MON2: variants seen among roughly 807,000 people sequenced by gnomAD.
The protein encoded by MON2 is protein MON2 homolog.
In MON2, 84 loss-of-function variants were observed where a neutral mutation model predicts 208.6. The observed-to-expected ratio is 0.40, with a 90% CI of 0.34 to 0.48. The LOEUF (loss-of-function observed/expected upper bound fraction) is 0.48, where lower values mean the gene tolerates loss of function less well. MON2 is among the 20% of genes least tolerant of loss of function. The probability of loss-of-function intolerance (pLI) is 0.59; values close to 1 mark genes in which losing one functional copy is unlikely to be tolerated. For missense variants in MON2, 1,611 were observed against 2,015.4 expected, an observed-to-expected ratio of 0.80 and a Z score of 3.84; for synonymous variants, 660 against 694.0, an observed-to-expected ratio of 0.95 and a Z score of 0.77.
chr12:62,571,666 T>A, intron 30 of MON2, 84 bp downstream of exon 30: 1 of 1,118,956 alleles, frequency 8.9e-7, no homozygotes, highest in Non-Finnish European at 1.3e-6. Flanking sequence ...CTTTATTCAT[T>A]AACAAAGTAA....
chr12:62,580,471 A>G (rs1179439950), intron 32 of MON2, 51 bp downstream of exon 32: 1 of 1,462,710 alleles, frequency 6.8e-7, no homozygotes, highest in East Asian at 2.3e-5. Flanking sequence ...TTTTGAAGAA[A>G]CTGTCAGTAG....
At chr12:62,565,182 A>C in intron 26 of MON2, 55 bp from the exon 27 acceptor site, 2 of 1,535,438 alleles carry the variant, frequency 1.3e-6, no homozygotes, top group Non-Finnish European at 1.8e-6. Context: ...TACACAGTAA[A>C]GAACTTAATG....
At chr12:62,481,084 A>G (rs540633372) in intron 1 of MON2, among the ~76,000 whole-genome samples, 1 of 152,324 alleles carries the variant, frequency 6.6e-6, no homozygotes, top group African/African-American at 2.4e-5. Flanking sequence ...TGGTTTGTAC[A>G]TCTTCAAGGT....
chr12:62,522,679 T>G (rs148159828), intron 8 of MON2, among the ~76,000 whole-genome samples: 2 of 152,228 alleles, frequency 1.3e-5, no homozygotes, highest in African/African-American at 2.4e-5. Flanking sequence ...AATACCTGTT[T>G]CCTTATAAGT....
chr12:62,472,363 A>G (rs1174113940), intron 1 of MON2, among the ~76,000 whole-genome samples: 2 of 152,184 alleles, frequency 1.3e-5, no homozygotes, highest in East Asian at 3.8e-4. Context: ...AAGGGAAAGA[A>G]GTTCATTTGA....
intron 34 of MON2, among the ~76,000 whole-genome samples, chr12:62,588,442 A>T (rs2136499889): frequency 6.6e-6 from 1 of 151,942 alleles, no homozygotes; most frequent in African/African-American, 2.4e-5. Flanking sequence ...ATATATTTTT[A>T]ATGTAGAAGA....
chr12:62,549,695 G>A lies in MON2; in HGVS notation c.2781G>A (p.Gln927=). The change falls in exon 23 of 35, where the codon CAG becomes CAA. Residue 927 remains glutamine, a synonymous_variant. Coordinates refer to ENST00000393630, the MANE Select transcript of MON2 (RefSeq NM_015026.3). ...QGESLIRTAF[Q]CLQLVVTDFL... ...AATCCTTGATACGAACTGCATTCCA[G>A]TGTCTTCAGTTGGTTGTGACAGATT... is the stretch of plus-strand genomic sequence containing the variant. The A allele has an allele frequency of 6.2e-7, 1 of 1,608,264 alleles. No homozygotes were observed. The highest frequency in any genetic ancestry group is 1.1e-5 in the South Asian group (1 of 89,694).
chr12:62,510,763 A>G (rs1366274010), intron 8 of MON2, among the ~76,000 whole-genome samples: 2 of 152,334 alleles, frequency 1.3e-5, no homozygotes, highest in East Asian at 3.9e-4. Flanking sequence ...TGCCACTTCT[A>G]TTCAACATGG....
chr12:62,483,673 G>A (rs1480804912), intron 1 of MON2, among the ~76,000 whole-genome samples: 1 of 152,164 alleles, frequency 6.6e-6, no homozygotes, highest in Non-Finnish European at 1.5e-5. Flanking sequence ...CCAAGATCGT[G>A]CCATTGGACT....
At chr12:62,582,985 T>A (rs1455158557) in intron 32 of MON2, among the ~76,000 whole-genome samples, 1 of 152,082 alleles carries the variant, frequency 6.6e-6, no homozygotes, top group Non-Finnish European at 1.5e-5. Context: ...CCAGTTAGGA[T>A]GATCAAAGAG....
Position 62,580,345 on chromosome 12 carries a change from C to T in MON2, c.4624C>T (p.Pro1542Ser). The change falls in exon 32 of 35, where the codon CCT (proline) becomes TCT (serine). Residue 1542 changes from proline to serine, a missense_variant. By Grantham distance (74) the Pro-to-Ser change is moderately conservative. Transcript: ENST00000393630. ...NEILPYANFIPKEFVGQIMTM... is the reference protein window; with the variant it reads ...NEILPYANFISKEFVGQIMTM... ...GATACTACCTTATGCCAATTTTATT[C>T]CTAAGGAATTTGTTGGTCAAATAAT... The T allele has an allele frequency of 6.2e-7, 1 of 1,608,992 alleles. No homozygotes were observed. Among genetic ancestry groups the T allele is most frequent in the Non-Finnish European group, 8.5e-7 (1 of 1,175,926 alleles).
intron 26 of MON2, among the ~76,000 whole-genome samples, chr12:62,562,903 A>G (rs954279502): frequency 2.6e-5 from 4 of 152,094 alleles, no homozygotes; most frequent in Non-Finnish European, 5.9e-5. Flanking sequence ...ACTTAGTTAT[A>G]TGTGCTAATT....
chr12:62,588,430 T>A (rs1311162705), intron 34 of MON2, among the ~76,000 whole-genome samples: 1 of 152,134 alleles, frequency 6.6e-6, no homozygotes, highest in Non-Finnish European at 1.5e-5. Context: ...AATCCATATT[T>A]CATATATTTT....
chr12:62,507,204 A>G (rs549316980), intron 7 of MON2, among the ~76,000 whole-genome samples: 4 of 152,214 alleles, frequency 2.6e-5, no homozygotes, highest in Non-Finnish European at 5.9e-5. Context: ...TCAGTGAATT[A>G]TATAACTTAT....
chr12:62,560,265 C>T (rs2074147866), intron 25 of MON2: 1 of 422,258 alleles, frequency 2.4e-6, no homozygotes, highest in Admixed American at 4.1e-5. Context: ...CCATCATCCT[C>T]CTCTTGGTGC....
At position 62,526,042 on chromosome 12, in the gene MON2, A is replaced by G; in HGVS notation, c.1340A>G (p.Tyr447Cys). The part of the protein sequence containing the change: ...GGVTLLPAFE[Y>C]RGTWIPILTI... The stretch of plus-strand genomic sequence containing the variant: ...GTTACTTTGCTACCAGCATTTGAAT[A>G]TAGGGGAACCTGGATACCTATTCTG... The change falls in exon 11 of 35, where the codon TAT becomes TGT. Residue 447 changes from tyrosine to cysteine, a missense_variant. By Grantham distance (194) the Tyr-to-Cys change is radical (BLOSUM62 -2). Transcript: ENST00000393630. 6.2e-7 allele frequency: 1 copy of G among 1,613,966 alleles called. No individual in the cohort carries two copies. Among genetic ancestry groups the G allele is most frequent in the Non-Finnish European group, 8.5e-7 (1 of 1,179,908 alleles).
intron 26 of MON2, among the ~76,000 whole-genome samples, chr12:62,562,719 C>G (rs895758551): frequency 2.8e-4 from 42 of 152,108 alleles, no homozygotes; most frequent in Non-Finnish European, 4.3e-4. Context: ...GAGCAAAACA[C>G]TTTATTGATA....
chr12:62,560,938 A>T lies in MON2; in HGVS notation c.3857A>T (p.His1286Leu). 1 of 1,613,980 alleles carries T rather than the reference A, an allele frequency of 6.2e-7. No individual in the cohort carries two copies. The highest frequency in any genetic ancestry group is 8.5e-7 in the Non-Finnish European group (1 of 1,179,862). ...CAGATATTTCCAGCTCTCTACCAAC[A>T]CATAAAAACTGGTTTCAATATGGAT... ...LIQIFPALYQHIKTGFNMDDL... is the reference protein window; with the variant it reads ...LIQIFPALYQLIKTGFNMDDL... Residue 1286 changes from histidine to leucine, a missense_variant, in exon 26 of 35, where the codon CAC (histidine) becomes CTC (leucine). Physicochemically the swap from His to Leu is moderately conservative, Grantham distance 99. Coordinates refer to ENST00000393630, the MANE Select transcript of MON2 (RefSeq NM_015026.3).
chr12:62,561,129 T>C lies in MON2; in HGVS notation c.4032+16T>C, dbSNP rs1028334365. On this transcript the variant is annotated intron_variant, in intron 26 of 34. Transcript: ENST00000393630. ...TCTCCAAAAGGTAATATAATTTTAG[T>C]GGCTAAGTAATACTGCATATAGTTC... 9.5e-6 allele frequency: 15 copies of C among 1,571,964 alleles called. No homozygotes were observed. The highest frequency in any genetic ancestry group is 1.2e-5 in the Non-Finnish European group (14 of 1,162,038).
Sources: gnomAD v4.1 joint callset for allele counts (sites outside exome capture counted in the v4.1 genomes callset) on GRCh38, gnomAD v4.1.1 for gene constraint, MANE v1.5 for transcripts, NCBI Gene and HGNC (gene_info 2026-07-23, HGNC 2026-07-21) for gene names.